The following ZNF423 variants were observed in gnomAD, a reference collection of about 807,000 sequenced individuals.
ZNF423 encodes the protein Ebf-associated zinc finger protein.
A neutral mutation model predicts 95.8 loss-of-function variants in ZNF423; 12 were observed. The ratio of observed to expected loss-of-function variants is 0.13; its 90% CI spans 0.08 to 0.20. ZNF423 has a LOEUF of 0.20. Among genes scored for constraint, ZNF423 ranks in the 10% least tolerant of loss-of-function variants. The probability of loss-of-function intolerance (pLI) is 1.00; values close to 1 mark genes in which losing one functional copy is unlikely to be tolerated. For synonymous variants in ZNF423, 749 were observed against 711.9 expected (o/e 1.05, Z -0.83); for missense variants, 1,316 against 1,737.1 (o/e 0.76, Z 4.31).
chr16:49,512,110 T>G (rs1967922329), intron 7 of ZNF423, among the ~76,000 whole-genome samples: 1 of 152,216 alleles, frequency 6.6e-6, no homozygotes, highest in African/African-American at 2.4e-5. Context: ...CTGTTTGTCC[T>G]TATTAGCTTA....
At chr16:49,659,740 C>T (rs1023670357) in intron 3 of ZNF423, among the ~76,000 whole-genome samples, 2 of 152,218 alleles carry the variant, frequency 1.3e-5, no homozygotes, top group Non-Finnish European at 2.9e-5. Context: ...CCCACCGCTG[C>T]AGGCACTGGT....
At chr16:49,515,920 G>A (rs77295866) in intron 7 of ZNF423, among the ~76,000 whole-genome samples, 2,647 of 152,242 alleles carry the variant, frequency 0.017, 30 homozygotes, top group Non-Finnish European at 0.029. Flanking sequence ...GTGGCTAACC[G>A]CTGGCATGGG....
At chr16:49,554,769 G>A (rs1033117997) in intron 5 of ZNF423, among the ~76,000 whole-genome samples, 3 of 151,802 alleles carry the variant, frequency 2.0e-5, no homozygotes, top group Admixed American at 6.6e-5. Context: ...GATAAAGATC[G>A]CCCTTAATTC....
chr16:49,739,430 C>A (rs1465685362), intron 2 of ZNF423, among the ~76,000 whole-genome samples: 1 of 151,816 alleles, frequency 6.6e-6, no homozygotes, highest in African/African-American at 2.4e-5. Flanking sequence ...AATGTCCATG[C>A]ATACCAAAAG....
chr16:49,617,076 C>G (rs1353560534), intron 5 of ZNF423, among the ~76,000 whole-genome samples: 1 of 152,182 alleles, frequency 6.6e-6, no homozygotes, highest in African/African-American at 2.4e-5. Flanking sequence ...CAATAATACC[C>G]TTCCTACTTC....
intron 4 of ZNF423, among the ~76,000 whole-genome samples, chr16:49,627,855 C>T (rs1045152047): frequency 6.7e-6 from 1 of 148,922 alleles, no homozygotes; most frequent in Non-Finnish European, 1.5e-5. Context: ...TTCATCCATC[C>T]ATCCAACCAT....
intron 3 of ZNF423, among the ~76,000 whole-genome samples, chr16:49,672,583 G>A (rs969437657): frequency 1.3e-5 from 2 of 152,176 alleles, no homozygotes; most frequent in Admixed American, 6.5e-5. Flanking sequence ...TTGGGAGGCC[G>A]AGGCAGATGG....
chr16:49,642,902 CCT>C (rs1367506179), intron 3 of ZNF423, among the ~76,000 whole-genome samples: 1 of 147,956 alleles, frequency 6.8e-6, no homozygotes, highest in African/African-American at 2.5e-5. Context: ...CTCACTGCAA[CCT>C]CTGCCTCCCA....
chr16:49,627,266 A>G (rs1972322375), intron 4 of ZNF423, among the ~76,000 whole-genome samples: 1 of 133,586 alleles, frequency 7.5e-6, no homozygotes, highest in African/African-American at 2.9e-5. Flanking sequence ...CTACATACAT[A>G]CCCACCCATC....
intron 2 of ZNF423, among the ~76,000 whole-genome samples, chr16:49,788,182 G>A (rs1051077278): frequency 4.6e-5 from 7 of 152,178 alleles, no homozygotes; most frequent in Non-Finnish European, 1.0e-4. Context: ...GTCACCAAGG[G>A]CCAGGGCACC....
At chr16:49,786,486 C>T (rs1056050806) in intron 2 of ZNF423, among the ~76,000 whole-genome samples, 1 of 152,266 alleles carries the variant, frequency 6.6e-6, no homozygotes, top group Non-Finnish European at 1.5e-5. Flanking sequence ...CCATGCCTTA[C>T]AGCTCTCCCT....
At chr16:49,616,396 A>AGATCTAGTATTTTTTAG (rs1971877084) in intron 5 of ZNF423, among the ~76,000 whole-genome samples, 1 of 152,184 alleles carries the variant, frequency 6.6e-6, no homozygotes, top group Non-Finnish European at 1.5e-5. Flanking sequence ...AGAATCAGTA[A>AGATCTAGTATTTTTTAG]GATCTAGTAT....
Position 49,522,518 on chromosome 16 carries a change from G to A in ZNF423, c.3849+1106C>T, listed in dbSNP as rs149961320. Among the ~76,000 whole-genome samples, 81 of 151,872 alleles carry A rather than the reference G, an allele frequency of 5.3e-4. 2 individuals carry two copies. Among genetic ancestry groups the A allele is most frequent in the African/African-American group, 1.7e-3 (71 of 41,222 alleles). On this transcript the variant is annotated intron_variant, in intron 7 of 7. Transcript: ENST00000563137. ...GGGCAACAAATAAACCTTTTGTTGA[G>A]GACACAGAGACCGAGAGGAGGTTTG...
chr16:49,560,435 C>A (rs1294657061), intron 5 of ZNF423, among the ~76,000 whole-genome samples: 1 of 152,152 alleles, frequency 6.6e-6, no homozygotes, highest in South Asian at 2.1e-4. Context: ...GCCAGCTCTG[C>A]GGTTGGGCTG....
chr16:49,495,147 C>T (rs1415827657), intron 7 of ZNF423, among the ~76,000 whole-genome samples: 1 of 152,158 alleles, frequency 6.6e-6, no homozygotes, highest in South Asian at 2.1e-4. Flanking sequence ...CAGGTGTGGG[C>T]CAGAGAAGCA....
intron 1 of ZNF423, among the ~76,000 whole-genome samples, chr16:49,799,262 T>G (rs1401239025): frequency 6.6e-6 from 1 of 152,142 alleles, no homozygotes; most frequent in Non-Finnish European, 1.5e-5. Context: ...CAGGGAAACA[T>G]GCAATCAATG....
At chr16:49,649,035 C>T (rs532015516) in intron 3 of ZNF423, among the ~76,000 whole-genome samples, 1 of 152,098 alleles carries the variant, frequency 6.6e-6, no homozygotes, top group Non-Finnish European at 1.5e-5. Flanking sequence ...AGAAACACTG[C>T]CAGCTTAAAC....
At chr16:49,690,533 C>A (rs1244041913) in intron 3 of ZNF423, among the ~76,000 whole-genome samples, 3 of 152,164 alleles carry the variant, frequency 2.0e-5, no homozygotes, top group African/African-American at 7.2e-5. Flanking sequence ...AAACAAAAAA[C>A]AATAATAATT....
intron 7 of ZNF423, among the ~76,000 whole-genome samples, chr16:49,520,461 C>A (rs1968350977): frequency 6.6e-6 from 1 of 152,172 alleles, no homozygotes; most frequent in Non-Finnish European, 1.5e-5. Context: ...AGAGACCAAG[C>A]CTGTCATGGT....
Sources: allele counts gnomAD v4.1 joint callset (sites outside exome capture counted in the v4.1 genomes callset), GRCh38; gene constraint gnomAD v4.1.1; transcripts MANE v1.5; gene names NCBI Gene and HGNC (gene_info 2026-07-23, HGNC 2026-07-21).